Variants in COL12A1 observed in about 807,000 individuals in gnomAD.
COL12A1 encodes collagen type XII alpha 1 chain, also known as collagen alpha-1(XII) chain.
Under a neutral mutation model 349.7 loss-of-function variants are expected in COL12A1, and 114 were observed. The ratio of observed to expected loss-of-function variants is 0.33; its 90% CI spans 0.28 to 0.38. The LOEUF (loss-of-function observed/expected upper bound fraction) is 0.38, where lower values mean the gene tolerates loss of function less well. Among genes scored for constraint, COL12A1 ranks in the 10% least tolerant of loss-of-function variants. The pLI is 1.00. For synonymous variants in COL12A1, 1,369 were observed against 1,329.0 expected (o/e 1.03, Z -0.66); for missense variants, 3,284 against 3,756.9 (o/e 0.87, Z 3.29).
chr6:75,129,841 G>A (rs1766213691), intron 37 of COL12A1, among the ~76,000 whole-genome samples: 1 of 152,152 alleles, frequency 6.6e-6, no homozygotes, highest in South Asian at 2.1e-4. Flanking sequence ...AGTTAATCAT[G>A]TGATAAGATA....
intron 14 of COL12A1, among the ~76,000 whole-genome samples, chr6:75,158,385 A>G (rs1279563228): frequency 6.6e-6 from 1 of 152,176 alleles, no homozygotes; most frequent in Non-Finnish European, 1.5e-5. Flanking sequence ...ACCACACACC[A>G]GGAAGAGAGC....
At chr6:75,103,684 C>A (rs374911727) in intron 55 of COL12A1, 73 bp downstream of exon 55, 2 of 1,310,074 alleles carry the variant, frequency 1.5e-6, no homozygotes, top group Middle Eastern at 1.8e-4. Flanking sequence ...TCACATACCC[C>A]CTTTGTGAAA....
chr6:75,146,164 C>T lies in COL12A1; in HGVS notation c.4498G>A (p.Ala1500Thr). The change falls in exon 24 of 66, where the codon GCT becomes ACT. Residue 1500 changes from alanine to threonine, a missense_variant. Ala to Thr is a moderately conservative substitution (Grantham distance 58, BLOSUM62 0). Around this residue, in one of 2 missense-constraint regions of COL12A1, gnomAD observed 2,601 missense variants for 2,824.8 expected, o/e 0.92. Coordinates refer to ENST00000322507, the MANE Select transcript of COL12A1 (RefSeq NM_004370.6). Reference protein sequence around the residue: ...MHVQWQPVGGATGYILSYKPV... With the variant: ...MHVQWQPVGGTTGYILSYKPV... ...TTGTATGACAAGATGTAGCCAGTAGCTCCTCCCACAGGCTGCCACTGCACA... is the reference window on the plus strand; with the variant it reads ...TTGTATGACAAGATGTAGCCAGTAGTTCCTCCCACAGGCTGCCACTGCACA... 1 of 1,613,678 alleles carries T rather than the reference C, an allele frequency of 6.2e-7. No individual in the cohort carries two copies. Among genetic ancestry groups the T allele is most frequent in the Non-Finnish European group, 8.5e-7 (1 of 1,179,742 alleles).
At chr6:75,148,271 C>T in intron 22 of COL12A1, 87 bp downstream of exon 22, 1 of 1,352,358 alleles carries the variant, frequency 7.4e-7, no homozygotes, top group Admixed American at 2.1e-5. Context: ...CCCTCTTGCC[C>T]CTCACCTAAC....
chr6:75,154,588 GT>G (rs753840261), intron 16 of COL12A1, 51 bp from the exon 17 acceptor site: 1 of 1,516,266 alleles, frequency 6.6e-7, no homozygotes. Flanking sequence ...GGCTCAAGTG[GT>G]AGCACTTTTT....
At chr6:75,136,147 G>T (rs1240904813) in intron 31 of COL12A1, among the ~76,000 whole-genome samples, 1 of 152,130 alleles carries the variant, frequency 6.6e-6, no homozygotes, top group African/African-American at 2.4e-5. Flanking sequence ...CCCAAGATGG[G>T]AAATGCTAAG....
At chr6:75,117,738 A>G (rs1274464300) in intron 46 of COL12A1, 192 bp from the exon 47 acceptor site, 1 of 518,158 alleles carries the variant, frequency 1.9e-6, no homozygotes, top group Non-Finnish European at 3.4e-6. Flanking sequence ...TGGTCTAAAG[A>G]ATTCATTTAA....
At chr6:75,120,247 T>A (rs1335927304) in intron 44 of COL12A1, among the ~76,000 whole-genome samples, 1 of 152,102 alleles carries the variant, frequency 6.6e-6, no homozygotes, top group Non-Finnish European at 1.5e-5. Context: ...ATTAAGAATA[T>A]AACTAGGGTG....
chr6:75,152,280 G>A (rs762698028), intron 18 of COL12A1, 30 bp from the exon 19 acceptor site: 7 of 1,613,506 alleles, frequency 4.3e-6, no homozygotes, highest in Non-Finnish European at 5.9e-6. Context: ...ATTAGTGCAT[G>A]TGAAAGAGAA....
Position 75,124,067 on chromosome 6 carries a change from C to A in COL12A1, c.6752G>T (p.Arg2251Leu), listed in dbSNP as rs151324784. Residue 2251 changes from arginine (R) to leucine (L), a missense_variant, in exon 42 of 66, where the codon CGT becomes CTT. Arg to Leu is a moderately radical substitution (Grantham distance 102). Around this residue, in one of 2 missense-constraint regions of COL12A1, gnomAD observed 2,601 missense variants for 2,824.8 expected, o/e 0.92. Transcript: ENST00000322507. ...DGTRGQEITV[R>L]GSETSHCFTG... ...GAAGCAGTGACTGGTTTCTGATCCA[C>A]GCACTGTAATTTCTTGTCCCCTTGT... 1 of 1,613,714 alleles carries A rather than the reference C, an allele frequency of 6.2e-7. No individual in the cohort carries two copies. The highest frequency in any genetic ancestry group is 2.2e-5 in the East Asian group (1 of 44,868).
intron 31 of COL12A1, 119 bp downstream of exon 31, chr6:75,137,318 G>A: frequency 1.1e-6 from 1 of 915,850 alleles, no homozygotes; most frequent in Non-Finnish European, 1.6e-6. Context: ...TCCATCCAAT[G>A]CGATAAATCT....
chr6:75,177,602 C>A, intron 12 of COL12A1, 61 bp downstream of exon 12: 2 of 1,599,272 alleles, frequency 1.3e-6, no homozygotes, highest in South Asian at 2.2e-5. Context: ...ATAGTTGTCC[C>A]AATTTTCCCC....
At chr6:75,180,484 A>G (rs75189075) in intron 11 of COL12A1, among the ~76,000 whole-genome samples, 2 of 152,128 alleles carry the variant, frequency 1.3e-5, no homozygotes, top group Non-Finnish European at 2.9e-5. Flanking sequence ...CACTCAAAAA[A>G]TGGTTACAAT....
chr6:75,124,533 G>A (rs990601624), intron 40 of COL12A1, among the ~76,000 whole-genome samples, 162 bp from the exon 41 acceptor site: 6 of 151,950 alleles, frequency 3.9e-5, no homozygotes, highest in South Asian at 2.1e-4. Context: ...TTAAAAATGT[G>A]GTACTGCCAA....
chr6:75,168,131 G>A (rs1420834944), intron 13 of COL12A1, among the ~76,000 whole-genome samples: 1 of 152,156 alleles, frequency 6.6e-6, no homozygotes, highest in Non-Finnish European at 1.5e-5. Context: ...CACCACAATT[G>A]AGAAGATAAA....
chr6:75,113,271 C>T lies in COL12A1; in HGVS notation c.7883G>A (p.Gly2628Asp). Reference protein sequence around the residue: ...TLSFFNKDTRGEVQTVTFDTE... With the variant: ...TLSFFNKDTRDEVQTVTFDTE... The stretch of plus-strand genomic sequence containing the variant: ...GTCAAATGTAACAGTTTGCACCTCG[C>T]CTCTTGTATCCTTGTTAAAGAATGA... Residue 2628 changes from glycine (G) to aspartate (D), a missense_variant, in exon 51 of 66, where the codon GGC (glycine) becomes GAC (aspartate). Coordinates refer to ENST00000322507, the MANE Select transcript of COL12A1 (RefSeq NM_004370.6). 6.4e-7 allele frequency: 1 copy of T among 1,558,866 alleles called. No individual in the cohort carries two copies. The highest frequency in any genetic ancestry group is 8.6e-7 in the Non-Finnish European group (1 of 1,156,120).
intron 8 of COL12A1, among the ~76,000 whole-genome samples, chr6:75,184,595 T>C (rs555549896): frequency 2.0e-5 from 3 of 152,306 alleles, no homozygotes; most frequent in East Asian, 3.9e-4. Flanking sequence ...CTTTATAATA[T>C]GCCAAGAAAG....
chr6:75,156,427 C>T lies in COL12A1; in HGVS notation c.3080G>A (p.Arg1027His), dbSNP rs79863717. Residue 1027 changes from arginine (R) to histidine (H), a missense_variant, in exon 15 of 66, where the codon CGT (arginine) becomes CAT (histidine). Around this residue, in one of 2 missense-constraint regions of COL12A1, gnomAD observed 2,601 missense variants for 2,824.8 expected, o/e 0.92. Transcript: ENST00000322507. The stretch of plus-strand genomic sequence containing the variant: ...TCTCCCATGAGGGCGATAGACAACA[C>T]GGTAGTTGACGACTTTCCCTGGTGC... ...KPAPGKVVNY[R>H]VVYRPHGRGK... 1.1e-5 allele frequency: 17 copies of T among 1,613,840 alleles called. No homozygotes were observed. Among genetic ancestry groups the T allele is most frequent in the Middle Eastern group, 1.6e-4 (1 of 6,082 alleles).
chr6:75,125,849 C>T (rs1419770423), intron 39 of COL12A1, among the ~76,000 whole-genome samples: 3 of 151,968 alleles, frequency 2.0e-5, no homozygotes, highest in Non-Finnish European at 1.5e-5. Flanking sequence ...ATTTTTCTTC[C>T]AGTTTCTCTA....
Sources: gnomAD v4.1 joint callset for allele counts (sites outside exome capture counted in the v4.1 genomes callset) on GRCh38, gnomAD v4.1.1 for gene constraint, gnomAD v4.1.1 regional missense constraint, MANE v1.5 for transcripts, NCBI Gene and HGNC (gene_info 2026-07-23, HGNC 2026-07-21) for gene names.